FGF12: variants seen among roughly 807,000 people sequenced by gnomAD.
FGF12 encodes fibroblast growth factor 12B.
FGF12 carries 14 observed loss-of-function variants against 23.6 expected under a neutral mutation model. That is an observed-to-expected ratio of 0.59 (90% CI 0.39 to 0.93). FGF12 has a LOEUF of 0.93. FGF12 is among the 40% of genes least tolerant of loss of function. FGF12 has a pLI of 0.00. For missense variants in FGF12, 175 were observed against 217.8 expected (o/e 0.80, Z 1.24); for synonymous variants, 62 against 77.3 (o/e 0.80, Z 1.04).
chr3:192,350,296 G>C (rs1013679181), intron 3 of FGF12, among the ~76,000 whole-genome samples: 1 of 152,106 alleles, frequency 6.6e-6, no homozygotes, highest in African/African-American at 2.4e-5. Context: ...AAGACAAAAG[G>C]CTTTTAGAGG....
intron 2 of FGF12, among the ~76,000 whole-genome samples, chr3:192,513,742 TTG>T (rs1724564226): frequency 6.6e-6 from 1 of 152,218 alleles, no homozygotes; most frequent in Non-Finnish European, 1.5e-5. Flanking sequence ...AAAAAGACAC[TTG>T]TCTAGATGTA....
chr3:192,167,772 A>ATATTTTT, intron 5 of FGF12, among the ~76,000 whole-genome samples: 1 of 15,404 alleles, frequency 6.5e-5, no homozygotes, highest in African/African-American at 2.2e-4. Flanking sequence ...TATATATAAA[A>ATATTTTT]TTTTTTTTTT....
intron 2 of FGF12, among the ~76,000 whole-genome samples, chr3:192,512,854 ATATAT>A (rs1724528387): frequency 4.5e-5 from 6 of 133,346 alleles, no homozygotes; most frequent in Middle Eastern, 3.9e-3. Context: ...ATATATATAT[ATATAT>A]AACAGGCTAT....
intron 4 of FGF12, among the ~76,000 whole-genome samples, chr3:192,235,022 C>T (rs1029780056): frequency 6.6e-6 from 1 of 152,002 alleles, no homozygotes; most frequent in Admixed American, 6.6e-5. Flanking sequence ...CGTGTCTCTG[C>T]CAGGTTTTGG....
chr3:192,226,653 A>G (rs958861919), intron 4 of FGF12, among the ~76,000 whole-genome samples: 7 of 152,142 alleles, frequency 4.6e-5, no homozygotes, highest in African/African-American at 1.7e-4. Flanking sequence ...TTAGGTCATG[A>G]GGGCAGAACA....
intron 5 of FGF12, among the ~76,000 whole-genome samples, chr3:192,168,770 A>G (rs1715371980): frequency 6.6e-6 from 1 of 152,194 alleles, no homozygotes; most frequent in South Asian, 2.1e-4. Flanking sequence ...GAAAAATAAA[A>G]CATGTTCTGT....
chr3:192,530,577 G>A (rs983634109), intron 2 of FGF12, among the ~76,000 whole-genome samples: 1 of 152,098 alleles, frequency 6.6e-6, no homozygotes, highest in African/African-American at 2.4e-5. Context: ...AAATATTTAA[G>A]AATTGTCTTT....
At chr3:192,252,383 A>G (rs1049101801) in intron 4 of FGF12, among the ~76,000 whole-genome samples, 1 of 140,882 alleles carries the variant, frequency 7.1e-6, no homozygotes, top group African/African-American at 2.6e-5. Flanking sequence ...GGATCCCTTG[A>G]ACCCAGGAAG....
chr3:192,358,249 G>A (rs766373925), intron 3 of FGF12, among the ~76,000 whole-genome samples: 2 of 151,898 alleles, frequency 1.3e-5, no homozygotes, highest in Non-Finnish European at 2.9e-5. Flanking sequence ...CAACAAGAAG[G>A]TTAAACTATA....
intron 2 of FGF12, among the ~76,000 whole-genome samples, chr3:192,389,937 C>A (rs1283077532): frequency 6.6e-6 from 1 of 152,132 alleles, no homozygotes; most frequent in Non-Finnish European, 1.5e-5. Context: ...TAATCTAAAC[C>A]AAGAATGGCA....
At chr3:192,215,321 G>A (rs541699644) in intron 4 of FGF12, among the ~76,000 whole-genome samples, 1 of 152,128 alleles carries the variant, frequency 6.6e-6, no homozygotes, top group Non-Finnish European at 1.5e-5. Context: ...AGGGAGAGAG[G>A]AGAAATACTT....
chr3:192,209,220 C>T (rs1717805661), intron 4 of FGF12, among the ~76,000 whole-genome samples: 1 of 152,118 alleles, frequency 6.6e-6, no homozygotes, highest in African/African-American at 2.4e-5. Context: ...CCAGCTATTG[C>T]CACTACCACC....
chr3:192,297,595 A>T (rs1405396296), intron 4 of FGF12, among the ~76,000 whole-genome samples: 1 of 152,196 alleles, frequency 6.6e-6, no homozygotes, highest in Non-Finnish European at 1.5e-5. Context: ...ACCACTTAGA[A>T]TTTATATAGG....
At chr3:192,401,348 A>G (rs2108770818) in intron 2 of FGF12, among the ~76,000 whole-genome samples, 1 of 152,366 alleles carries the variant, frequency 6.6e-6, no homozygotes, top group South Asian at 2.1e-4. Context: ...TACCTTTTAC[A>G]GATGATTGTG....
chr3:192,311,943 A>G (rs1560064556), intron 4 of FGF12, among the ~76,000 whole-genome samples: 1 of 151,554 alleles, frequency 6.6e-6, no homozygotes, highest in Non-Finnish European at 1.5e-5. Context: ...CTATCTATCT[A>G]TCTATCTATC....
chr3:192,636,030 T>C (rs1715570002), intron 2 of FGF12, among the ~76,000 whole-genome samples: 1 of 152,198 alleles, frequency 6.6e-6, no homozygotes, highest in South Asian at 2.1e-4. Context: ...AACACTGCAC[T>C]GAGGAAGATT....
chr3:192,374,250 G>A (rs1224429050), intron 2 of FGF12, among the ~76,000 whole-genome samples: 1 of 152,088 alleles, frequency 6.6e-6, no homozygotes, highest in East Asian at 1.9e-4. Context: ...TCTTTCTAGT[G>A]ACCACATAAG....
intron 4 of FGF12, among the ~76,000 whole-genome samples, chr3:192,274,748 T>A (rs1209352706): frequency 6.6e-6 from 1 of 152,190 alleles, no homozygotes; most frequent in East Asian, 1.9e-4. Context: ...GATAAGGACA[T>A]AACAAGGACA....
chr3:192,203,270 T>C (rs961317472), intron 4 of FGF12, among the ~76,000 whole-genome samples: 7 of 152,192 alleles, frequency 4.6e-5, no homozygotes, highest in Admixed American at 1.3e-4. Context: ...ATTTGTCTTA[T>C]AACCTGTTTT....
Sources: gnomAD v4.1 joint callset for allele counts (sites outside exome capture counted in the v4.1 genomes callset) on GRCh38, gnomAD v4.1.1 for gene constraint, MANE v1.5 for transcripts, NCBI Gene and HGNC (gene_info 2026-07-23, HGNC 2026-07-21) for gene names.